The following HNRNPM variants were observed in gnomAD, a reference collection of about 807,000 sequenced individuals.
HNRNPM encodes CEA receptor.
HNRNPM carries 11 observed loss-of-function variants against 73.1 expected under a neutral mutation model. That is an observed-to-expected ratio of 0.15 (90% CI 0.09 to 0.25). The LOEUF is 0.25. HNRNPM is among the 10% of genes least tolerant of loss of function. The probability of loss-of-function intolerance (pLI) is 1.00; values close to 1 mark genes in which losing one functional copy is unlikely to be tolerated. For synonymous variants in HNRNPM, 407 were observed against 355.2 expected (o/e 1.15, Z -1.64); for missense variants, 789 against 1,067.9 (o/e 0.74, Z 3.64).
At chr19:8,452,410 T>G (rs1968694370) in intron 1 of HNRNPM, among the ~76,000 whole-genome samples, 1 of 150,720 alleles carries the variant, frequency 6.6e-6, no homozygotes, top group East Asian at 2.0e-4. Flanking sequence ...GTTTTATGAT[T>G]TTTTCTAACA....
rs1349029206 is a variant in HNRNPM, at chr19:8,489,077, C to T, written c.*223C>T. ...TGTAGTTGTGGCATCTTGTTGACAT[C>T]GAATATGACTTTGATAATAAATACC... On this transcript the variant is annotated 3_prime_UTR_variant, in exon 16 of 16. Coordinates refer to ENST00000325495, the MANE Select transcript of HNRNPM (RefSeq NM_005968.5). 1.1e-5 allele frequency: 5 copies of T among 466,058 alleles called. No homozygotes were observed. Among genetic ancestry groups the T allele is most frequent in the South Asian group, 1.0e-4 (4 of 38,184 alleles). The allele number at this position is 466,058 out of a possible 1,614,324, so 28.9% of individuals were successfully genotyped here.
At chr19:8,466,559 G>A (rs1226318129) in intron 7 of HNRNPM, among the ~76,000 whole-genome samples, 171 bp downstream of exon 7, 3 of 152,114 alleles carry the variant, frequency 2.0e-5, no homozygotes, top group Non-Finnish European at 2.9e-5. Flanking sequence ...CGGTCACGGT[G>A]GCTCACGCCT....
At chr19:8,450,400 A>G (rs75802883) in intron 1 of HNRNPM, among the ~76,000 whole-genome samples, 1,707 of 152,164 alleles carry the variant, frequency 0.011, 10 homozygotes, top group South Asian at 0.041. Flanking sequence ...TAGGCACTCA[A>G]TCTTTTTATT....
At chr19:8,480,755 G>A (rs980760366) in intron 12 of HNRNPM, among the ~76,000 whole-genome samples, 2 of 151,906 alleles carry the variant, frequency 1.3e-5, no homozygotes, top group Non-Finnish European at 2.9e-5. Flanking sequence ...AGCACCTCTC[G>A]CCTAATTCCG....
intron 6 of HNRNPM, 127 bp from the exon 7 acceptor site, chr19:8,466,108 A>G: frequency 2.3e-6 from 2 of 874,082 alleles, no homozygotes; most frequent in Non-Finnish European, 1.8e-6. Context: ...ATTGCAGTTG[A>G]TTAGTTTTTG....
intron 1 of HNRNPM, among the ~76,000 whole-genome samples, chr19:8,447,180 C>CA (rs1568253477): frequency 6.6e-6 from 1 of 151,218 alleles, no homozygotes; most frequent in African/African-American, 2.4e-5. Context: ...CTCAAAGTCT[C>CA]AAAGTCTAGT....
At chr19:8,488,257 A>G (rs951425955) in intron 15 of HNRNPM, 1 of 154,902 alleles carries the variant, frequency 6.5e-6, no homozygotes, top group East Asian at 1.9e-4. Flanking sequence ...GCGTTGACAC[A>G]TATCTGGATG....
chr19:8,471,211 G>C (rs1021680913), intron 9 of HNRNPM, 115 bp from the exon 10 acceptor site: 2 of 533,862 alleles, frequency 3.7e-6, no homozygotes, highest in Non-Finnish European at 6.7e-6. Flanking sequence ...GTCACTGGTG[G>C]GTGGGGGTGG....
At chr19:8,487,282 ACTTCCTT>A in intron 15 of HNRNPM, 1 of 598,584 alleles carries the variant, frequency 1.7e-6, no homozygotes. Flanking sequence ...TTTCATCCTT[ACTTCCTT>A]TTTTCTTTTT....
intron 2 of HNRNPM, among the ~76,000 whole-genome samples, chr19:8,461,473 T>C (rs888220478): frequency 6.6e-6 from 1 of 152,200 alleles, no homozygotes; most frequent in African/African-American, 2.4e-5. Context: ...TGGTTAGAGA[T>C]AGTTTTCTCC....
Position 8,462,681 on chromosome 19 carries a change from C to T in HNRNPM, c.336+100C>T, listed in dbSNP as rs1969479923. ...TGAAATCAGGAAGGCAGTGAGTGCT[C>T]ATGTTACAGTAGCTATGTTTGATTT... On this transcript the variant is annotated intron_variant, in intron 3 of 15. Coordinates refer to ENST00000325495, the MANE Select transcript of HNRNPM (RefSeq NM_005968.5). The surrounding 1 kb of genome is among the most constrained non-coding windows in gnomAD (Gnocchi z 4.5). 2.0e-6 allele frequency: 2 copies of T among 981,248 alleles called. No homozygotes were observed. Among genetic ancestry groups the T allele is most frequent in the Non-Finnish European group, 3.3e-6 (2 of 605,116 alleles). 60.8% of individuals were successfully genotyped at this position (981,248 alleles called of 1,614,324 possible). A position where few individuals can be genotyped will look rare whatever the true frequency, so the allele number is the denominator to read the frequency against.
chr19:8,458,170 C>T (rs905856941), intron 2 of HNRNPM, among the ~76,000 whole-genome samples: 2 of 152,226 alleles, frequency 1.3e-5, no homozygotes, highest in Non-Finnish European at 2.9e-5. Flanking sequence ...TCCTCCCTCA[C>T]TCTTGATCCT....
chr19:8,445,088 C>A lies in HNRNPM; in HGVS notation c.90C>A (p.Gly30=). The stretch of plus-strand genomic sequence containing the variant: ...GCGGCGCGCCCGGCGTGCCGAGCGG[C>A]AACGGGGCTCCGGGCCCTAAGGGGT... ...EESGAPGVPS[G]NGAPGPKGEG... is the part of the protein sequence containing the mutation. The change falls in exon 1 of 16, where the codon GGC becomes GGA. Residue 30 remains glycine, a synonymous_variant. Coordinates refer to ENST00000325495, the MANE Select transcript of HNRNPM (RefSeq NM_005968.5). 4.9e-6 allele frequency: 7 copies of A among 1,422,052 alleles called. No homozygotes were observed. Among genetic ancestry groups the A allele is most frequent in the Non-Finnish European group, 6.4e-6 (7 of 1,087,526 alleles). 88.1% of individuals were successfully genotyped at this position (1,422,052 alleles called of 1,614,324 possible). A position where few individuals can be genotyped will look rare whatever the true frequency, so the allele number is the denominator to read the frequency against.
chr19:8,483,196 G>T lies in HNRNPM; in HGVS notation c.1159G>T (p.Ala387Ser). The change falls in exon 13 of 16, where the codon GCA becomes TCA. Residue 387 changes from alanine (A) to serine (S), a missense_variant. By Grantham distance (99) the Ala-to-Ser change is moderately conservative (BLOSUM62 1). Around this residue, in one of 4 missense-constraint regions of HNRNPM, gnomAD observed 604 missense variants for 744.0 expected, o/e 0.81. Transcript: ENST00000325495. ...SNALKRGEII[A>S]KQGGGGGGGS... ...TGCACTGAAGAGAGGAGAGATCATT[G>T]CAAAGCAGGGAGGAGGTAGGAACCG... The T allele has an allele frequency of 6.2e-7, 1 of 1,612,474 alleles. No individual in the cohort carries two copies. The highest frequency in any genetic ancestry group is 8.5e-7 in the Non-Finnish European group (1 of 1,178,856).
intron 12 of HNRNPM, among the ~76,000 whole-genome samples, chr19:8,475,205 T>C (rs2145713079): frequency 6.6e-6 from 1 of 152,248 alleles, no homozygotes; most frequent in East Asian, 1.9e-4. Flanking sequence ...CCAGGCTGTC[T>C]GGCTCCAGAG....
intron 2 of HNRNPM, among the ~76,000 whole-genome samples, chr19:8,460,506 A>G (rs574665172): frequency 1.8e-4 from 27 of 152,340 alleles, no homozygotes; most frequent in African/African-American, 6.0e-4. Flanking sequence ...AATTTTTAAT[A>G]CAAAGGATTG....
At chr19:8,485,104 G>A (rs532784473) in intron 13 of HNRNPM, among the ~76,000 whole-genome samples, 26 of 151,996 alleles carry the variant, frequency 1.7e-4, no homozygotes, top group Admixed American at 2.6e-4. Context: ...CTGAGGAAAT[G>A]CAGCCAGAGT....
chr19:8,471,259 C>G (rs1970114564), intron 9 of HNRNPM, 67 bp from the exon 10 acceptor site: 5 of 1,009,104 alleles, frequency 5.0e-6, no homozygotes, highest in African/African-American at 1.6e-5. Flanking sequence ...ACTAAACACT[C>G]TTTTCCTTTG....
chr19:8,461,224 T>G (rs1040545315), intron 2 of HNRNPM, among the ~76,000 whole-genome samples: 1 of 152,254 alleles, frequency 6.6e-6, no homozygotes, highest in African/African-American at 2.4e-5. Flanking sequence ...TCAACCAATG[T>G]GCAGAGCCAT....
Sources: gnomAD v4.1 joint callset for allele counts (sites outside exome capture counted in the v4.1 genomes callset) on GRCh38, gnomAD v4.1.1 for gene constraint, gnomAD v4.1.1 regional missense constraint, Gnocchi (gnomAD v3.1) non-coding constraint, MANE v1.5 for transcripts, NCBI Gene and HGNC (gene_info 2026-07-23, HGNC 2026-07-21) for gene names.